WDR20: variants seen among roughly 807,000 people sequenced by gnomAD.
The protein encoded by WDR20 is WD repeat-containing protein 20.
WDR20 carries 3 observed loss-of-function variants against 38.7 expected under a neutral mutation model. The ratio of observed to expected loss-of-function variants is 0.08; its 90% CI spans 0.04 to 0.20. The LOEUF is 0.20. Ranked by LOEUF, WDR20 falls within the 10% of genes least tolerant of loss-of-function variation. The probability of loss-of-function intolerance (pLI) is 1.00; values close to 1 mark genes in which losing one functional copy is unlikely to be tolerated. For synonymous variants in WDR20, 298 were observed against 285.6 expected (o/e 1.04, Z -0.44); for missense variants, 559 against 727.7 (o/e 0.77, Z 2.67).
intron 1 of WDR20, among the ~76,000 whole-genome samples, chr14:102,166,381 A>G (rs1455985754): frequency 6.6e-6 from 1 of 152,170 alleles, no homozygotes; most frequent in Non-Finnish European, 1.5e-5. Flanking sequence ...TAGTTAAACC[A>G]TTCCATATCT....
intron 1 of WDR20, among the ~76,000 whole-genome samples, chr14:102,141,884 A>G (rs1286387466): frequency 6.6e-6 from 1 of 152,186 alleles, no homozygotes; most frequent in Non-Finnish European, 1.5e-5. Flanking sequence ...TTCACTAACT[A>G]GCAATTATTA....
intron 1 of WDR20, chr14:102,178,947 A>C (rs1361572079): frequency 6.6e-6 from 1 of 152,004 alleles, no homozygotes; most frequent in Non-Finnish European, 1.5e-5. Context: ...TCTCTGAGGG[A>C]TGTAGTAACT....
Position 102,222,930 on chromosome 14 carries a change from G to A in WDR20, c.*47G>A. On this transcript the variant is annotated 3_prime_UTR_variant, in exon 4 of 4. Coordinates refer to the WDR20 transcript ENST00000335263. This position sits in a 1 kb window ranked among gnomAD's most constrained non-coding sequence, Gnocchi z 4.4. The stretch of plus-strand genomic sequence containing the variant: ...AGTCTCCCGGGACTTGGACTCGAGG[G>A]AGTGACGAGGAGGAGCTCCGAGCTG... 2 of 1,610,710 alleles carry A rather than the reference G, an allele frequency of 1.2e-6. No homozygotes were observed. The highest frequency in any genetic ancestry group is 2.7e-5 in the African/African-American group (2 of 74,960).
intron 1 of WDR20, among the ~76,000 whole-genome samples, chr14:102,150,931 A>G (rs2055568857): frequency 6.6e-6 from 1 of 152,224 alleles, no homozygotes; most frequent in Admixed American, 6.5e-5. Flanking sequence ...TATTCATTCA[A>G]CTAACATTTA....
intron 1 of WDR20, among the ~76,000 whole-genome samples, chr14:102,156,022 C>A (rs1394916777): frequency 6.6e-6 from 1 of 151,274 alleles, no homozygotes; most frequent in Non-Finnish European, 1.5e-5. Context: ...ATGCGAACCT[C>A]CCACCTCGGC....
At chr14:102,166,309 G>T (rs1295139495) in intron 1 of WDR20, among the ~76,000 whole-genome samples, 1 of 152,142 alleles carries the variant, frequency 6.6e-6, no homozygotes, top group Non-Finnish European at 1.5e-5. Flanking sequence ...GCATTGTGTG[G>T]TCATGGAATA....
intron 1 of WDR20, chr14:102,191,207 T>A (rs749518506): frequency 2.6e-5 from 4 of 152,184 alleles, no homozygotes; most frequent in Admixed American, 1.3e-4. Context: ...CCAAGGCCAC[T>A]TGGCTACCAA....
At chr14:102,186,778 C>T (rs991379947) in intron 1 of WDR20, among the ~76,000 whole-genome samples, 4 of 151,936 alleles carry the variant, frequency 2.6e-5, no homozygotes, top group Non-Finnish European at 4.4e-5. Context: ...GGTGAAATCC[C>T]GTCTCTATTA....
chr14:102,209,124 T>C lies in WDR20; in HGVS notation c.954T>C (p.Ser318=), dbSNP rs1263870013. The change falls in exon 3 of 3, where the codon AGT becomes AGC. Residue 318 remains serine, a synonymous_variant. Coordinates refer to ENST00000342702, the MANE Select transcript of WDR20 (RefSeq NM_144574.4). The surrounding 1 kb of genome is among the most constrained non-coding windows in gnomAD (Gnocchi z 6.0). ...SVVAFDPYTT[S]VEEGDPMEFS... is the part of the protein sequence containing the mutation. ...TAGCGTTTGACCCTTATACCACTAGTGTAGAAGAAGGTGACCCTATGGAGT... is the reference window on the plus strand; with the variant it reads ...TAGCGTTTGACCCTTATACCACTAGCGTAGAAGAAGGTGACCCTATGGAGT... 2 of 1,614,018 alleles carry C rather than the reference T, an allele frequency of 1.2e-6. No homozygotes were observed. The highest frequency in any genetic ancestry group is 1.7e-6 in the Non-Finnish European group (2 of 1,180,020).
Position 102,204,042 on chromosome 14 carries a change from A to G in WDR20, c.433-4561A>G, listed in dbSNP as rs116838975. Among the ~76,000 whole-genome samples the G allele has an allele frequency of 4.6e-3, 703 of 152,268 alleles. 6 individuals carry two copies. Among genetic ancestry groups the G allele is most frequent in the African/African-American group, 0.016 (653 of 41,552 alleles). On this transcript the variant is annotated intron_variant, in intron 2 of 2. Transcript: ENST00000342702. ...TAAGTTAAATGACTGTGCTTCCCAC[A>G]CTGGCCTGGGGTCTGAGACAGGCTG...
intron 1 of WDR20, chr14:102,193,470 C>T: frequency 1.2e-6 from 2 of 1,613,716 alleles, no homozygotes; most frequent in Non-Finnish European, 1.7e-6. Flanking sequence ...CAGACAATCC[C>T]ATGAGGTTGG....
intron 1 of WDR20, among the ~76,000 whole-genome samples, chr14:102,166,073 C>T (rs1456103172): frequency 6.6e-6 from 1 of 152,106 alleles, no homozygotes; most frequent in Non-Finnish European, 1.5e-5. Flanking sequence ...CTCACTGCAA[C>T]CTTCGCCTCT....
chr14:102,181,142 A>G (rs949934612), intron 1 of WDR20, among the ~76,000 whole-genome samples: 3 of 152,204 alleles, frequency 2.0e-5, no homozygotes, highest in African/African-American at 7.2e-5. Flanking sequence ...ATGAACTTTA[A>G]CCAGATGAGT....
intron 1 of WDR20, among the ~76,000 whole-genome samples, chr14:102,168,631 A>C (rs2060229031): frequency 6.6e-6 from 1 of 152,088 alleles, no homozygotes; most frequent in South Asian, 2.1e-4. Context: ...AGAGTAGTTG[A>C]ACTTTATATG....
chr14:102,224,527 T>C, downstream of WDR20: 1 of 455,020 alleles, frequency 2.2e-6, no homozygotes, highest in East Asian at 7.0e-5. Flanking sequence ...TTTGTGAGAC[T>C]TTAAACCATG....
chr14:102,213,356 C>T (rs893272009), downstream of WDR20: 7 of 985,246 alleles, frequency 7.1e-6, no homozygotes, highest in African/African-American at 7.0e-5. Flanking sequence ...GCCTTGGGGT[C>T]GAAATTTGCT....
rs1597190608 is a variant in WDR20, at chr14:102,222,795, T to C, written c.1693-35T>C. 6.2e-7 allele frequency: 1 copy of C among 1,613,846 alleles called. No individual in the cohort carries two copies. The highest frequency in any genetic ancestry group is 2.2e-5 in the East Asian group (1 of 44,882). ...CATGGTGGCTGTTGCCCGTCCGGTG[T>C]TTTGCTGGATTAATGTAGACTGCTT... On this transcript the variant is annotated intron_variant, in intron 3 of 3. Transcript: ENST00000335263. The surrounding 1 kb of genome is among the most constrained non-coding windows in gnomAD (Gnocchi z 4.4).
At chr14:102,193,975 T>C (rs996455658) in intron 1 of WDR20, among the ~76,000 whole-genome samples, 1 of 152,180 alleles carries the variant, frequency 6.6e-6, no homozygotes, top group Non-Finnish European at 1.5e-5. Flanking sequence ...AAAGAATCCT[T>C]CTTGAAAGTG....
chr14:102,184,524 C>T (rs1022074881), intron 1 of WDR20, among the ~76,000 whole-genome samples: 5 of 151,952 alleles, frequency 3.3e-5, no homozygotes, highest in Admixed American at 2.0e-4. Context: ...ACAGAATGTC[C>T]GCCCTCTGCT....
Sources: gnomAD v4.1 joint callset for allele counts (sites outside exome capture counted in the v4.1 genomes callset) on GRCh38, gnomAD v4.1.1 for gene constraint, Gnocchi (gnomAD v3.1) non-coding constraint, MANE v1.5 for transcripts, NCBI Gene and HGNC (gene_info 2026-07-23, HGNC 2026-07-21) for gene names.